The following NRXN3 variants were observed in gnomAD, a reference collection of about 807,000 sequenced individuals.
NRXN3 encodes the protein neurexin III.
Under a neutral mutation model 137.6 loss-of-function variants are expected in NRXN3, and 32 were observed. The ratio of observed to expected loss-of-function variants is 0.23; its 90% CI spans 0.18 to 0.31. NRXN3 has a LOEUF of 0.31. NRXN3 is among the 10% of genes least tolerant of loss of function. NRXN3 has a pLI of 1.00. For synonymous variants in NRXN3, 798 were observed against 784.5 expected (o/e 1.02, Z -0.29); for missense variants, 1,574 against 2,062.5 (o/e 0.76, Z 4.59).
intron 3 of NRXN3, among the ~76,000 whole-genome samples, chr14:78,286,044 C>CT (rs545341334): frequency 8.6e-4 from 131 of 152,232 alleles, no homozygotes; most frequent in Non-Finnish European, 1.5e-3. Context: ...GGCCTTGGTG[C>CT]TTTTTTCTAG....
rs2061883860 is a variant in NRXN3 at position 78,203,657 on chromosome 14, A to G, written c.-704+32983A>G. ...TCTGATAAGGTTTTCCGTTACCACTATTAATACATAGTACTTTATGTGATA... is the reference window on the plus strand; with the variant it reads ...TCTGATAAGGTTTTCCGTTACCACTGTTAATACATAGTACTTTATGTGATA... On this transcript the variant is annotated intron_variant, in intron 1 of 20. Transcript: ENST00000335750. 1.3e-5 allele frequency among the ~76,000 whole-genome samples: 2 copies of G among 152,226 alleles called. 1 individual carries two copies. Among genetic ancestry groups the G allele is most frequent in the South Asian group, 4.1e-4 (2 of 4,828 alleles).
At chr14:79,420,623 C>G (rs970323799) in intron 15 of NRXN3, among the ~76,000 whole-genome samples, 2 of 152,114 alleles carry the variant, frequency 1.3e-5, no homozygotes, top group Admixed American at 1.3e-4. Context: ...CCTCCCATGA[C>G]ATGTCTGTCA....
At chr14:79,596,577 A>C (rs1160312171) in intron 16 of NRXN3, among the ~76,000 whole-genome samples, 2 of 130,452 alleles carry the variant, frequency 1.5e-5, no homozygotes, top group Non-Finnish European at 3.3e-5. Context: ...ATTTTTGGAC[A>C]GGAGCACTCT....
chr14:78,526,625 C>A, intron 4 of NRXN3: 1 of 327,260 alleles, frequency 3.1e-6, no homozygotes. Flanking sequence ...TGGAGCATAT[C>A]TGCTTTATCT....
chr14:78,942,878 A>T (rs575803995), intron 10 of NRXN3, among the ~76,000 whole-genome samples: 65 of 152,262 alleles, frequency 4.3e-4, no homozygotes, highest in African/African-American at 1.4e-3. Flanking sequence ...GTACCCTGTA[A>T]AAATGTACAA....
At chr14:79,590,665 GA>G (rs1167494105) in intron 16 of NRXN3, among the ~76,000 whole-genome samples, 12 of 152,010 alleles carry the variant, frequency 7.9e-5, no homozygotes, top group Non-Finnish European at 2.9e-5. Flanking sequence ...GGCCACCATG[GA>G]AACCATCCAT....
intron 10 of NRXN3, among the ~76,000 whole-genome samples, chr14:78,870,949 T>C (rs1382325649): frequency 1.3e-5 from 2 of 151,598 alleles, no homozygotes; most frequent in Admixed American, 1.3e-4. Context: ...TTATTTTCTT[T>C]ATCCATTCAT....
chr14:79,451,230 TGATCTCTGC>T, intron 15 of NRXN3, among the ~76,000 whole-genome samples: 1 of 152,018 alleles, frequency 6.6e-6, no homozygotes, highest in Middle Eastern at 3.4e-3. Context: ...CATAATTTAA[TGATCTCTGC>T]AATCTCTAAG....
chr14:78,851,822 A>T (rs961993838), intron 10 of NRXN3, among the ~76,000 whole-genome samples: 66 of 152,348 alleles, frequency 4.3e-4, no homozygotes, highest in African/African-American at 1.6e-3. Flanking sequence ...ACTGTATTTT[A>T]AATATCCAAC....
chr14:78,785,486 G>T (rs765164112), intron 8 of NRXN3, among the ~76,000 whole-genome samples: 1 of 152,158 alleles, frequency 6.6e-6, no homozygotes, highest in African/African-American at 2.4e-5. Flanking sequence ...ACATGGTGAC[G>T]GAGCCAGATA....
intron 4 of NRXN3, among the ~76,000 whole-genome samples, chr14:78,314,919 CTTTCTTTCTTTCTTT>C (rs1567234890): frequency 3.9e-4 from 45 of 115,268 alleles, no homozygotes; most frequent in African/African-American, 1.8e-3. Flanking sequence ...TTCTTTCTTT[CTTTCTTTCTTTCTTT>C]CTTTCTTTCT....
chr14:78,734,206 AACACACACACACACACACACACACAC>A (rs10563958), intron 8 of NRXN3, among the ~76,000 whole-genome samples: 1 of 137,702 alleles, frequency 7.3e-6, no homozygotes, highest in Non-Finnish European at 1.6e-5. Context: ...CTGCATCTGA[AACACACACACACACACACACACACAC>A]ACACACACAC....
At chr14:79,148,582 G>A (rs754869412) in intron 15 of NRXN3, among the ~76,000 whole-genome samples, 6 of 152,106 alleles carry the variant, frequency 3.9e-5, no homozygotes, top group Non-Finnish European at 7.4e-5. Flanking sequence ...TAAGAACATG[G>A]TTCACTTTCA....
intron 15 of NRXN3, among the ~76,000 whole-genome samples, chr14:78,993,744 A>G (rs1242226904): frequency 6.6e-6 from 1 of 151,538 alleles, no homozygotes; most frequent in East Asian, 2.0e-4. Context: ...GAGGAGTCAT[A>G]AGGTGGAGTA....
intron 16 of NRXN3, 130 bp from the exon 17 acceptor site, chr14:79,663,648 A>ATTATC: frequency 1.4e-6 from 1 of 731,910 alleles, no homozygotes; most frequent in South Asian, 1.9e-5. Context: ...GAATGCTATT[A>ATTATC]TTATCTTATC....
intron 15 of NRXN3, among the ~76,000 whole-genome samples, chr14:79,151,793 G>A (rs2059823905): frequency 6.6e-6 from 1 of 151,974 alleles, no homozygotes; most frequent in Non-Finnish European, 1.5e-5. Context: ...AGAGTGCACA[G>A]ACTAAATCTA....
chr14:78,542,571 C>T (rs562136349), intron 4 of NRXN3, among the ~76,000 whole-genome samples: 1 of 152,264 alleles, frequency 6.6e-6, no homozygotes, highest in East Asian at 1.9e-4. Context: ...CGGGAGTGTC[C>T]CGTTTTTTCC....
chr14:78,205,925 A>G (rs568085171), intron 1 of NRXN3, among the ~76,000 whole-genome samples: 1 of 152,332 alleles, frequency 6.6e-6, no homozygotes, highest in East Asian at 1.9e-4. Context: ...TTCAGGTAAG[A>G]GATGGTGATG....
chr14:79,599,330 G>C (rs531251661), intron 16 of NRXN3, among the ~76,000 whole-genome samples: 2 of 152,276 alleles, frequency 1.3e-5, no homozygotes, highest in South Asian at 4.1e-4. Context: ...ATAAGCATCT[G>C]TGTTGTGATT....
Sources: allele counts gnomAD v4.1 joint callset (sites outside exome capture counted in the v4.1 genomes callset), GRCh38; gene constraint gnomAD v4.1.1; transcripts MANE v1.5; gene names NCBI Gene and HGNC (gene_info 2026-07-23, HGNC 2026-07-21).